CSMD2: variants seen among roughly 807,000 people sequenced by gnomAD.
CSMD2 encodes CUB and sushi domain-containing protein 2.
CSMD2 carries 130 observed loss-of-function variants against 398.5 expected under a neutral mutation model. The ratio of observed to expected loss-of-function variants is 0.33; its 90% CI spans 0.28 to 0.38. The LOEUF (loss-of-function observed/expected upper bound fraction) is 0.38, where lower values mean the gene tolerates loss of function less well. Among genes scored for constraint, CSMD2 ranks in the 10% least tolerant of loss-of-function variants. The pLI is 1.00. For synonymous variants in CSMD2, 1,828 were observed against 1,908.5 expected, an observed-to-expected ratio of 0.96 and a Z score of 1.10; for missense variants, 3,829 against 4,764.9, an observed-to-expected ratio of 0.80 and a Z score of 5.78.
In CSMD2 at chr1:33,835,688, CAAA is replaced by C. The variant is rs1553226546; in HGVS notation, c.1034-9917_1034-9915del. Among the ~76,000 whole-genome samples the C allele has an allele frequency of 4.2e-4, 4 of 9,442 alleles. No individual in the cohort carries two copies. In the African/African-American group the frequency reaches 5.4e-3, roughly 13 times the overall value. 6.2% of individuals were successfully genotyped at this position (9,442 alleles called of 152,430 possible). On this transcript the variant is annotated intron_variant, in intron 6 of 70. Coordinates refer to ENST00000373381, the MANE Select transcript of CSMD2 (RefSeq NM_001281956.2). ...TAAATTAAAACAAAACAAAACAAAA[CAAA>C]AAAAACAAACAAAAATACATTTCAA...
At chr1:33,871,336 C>T (rs1640445650) in intron 5 of CSMD2, among the ~76,000 whole-genome samples, 1 of 152,158 alleles carries the variant, frequency 6.6e-6, no homozygotes, top group Admixed American at 6.5e-5. Flanking sequence ...CAATTGAAGA[C>T]ACTGTAGAAA....
intron 5 of CSMD2, among the ~76,000 whole-genome samples, chr1:33,877,015 CAG>C (rs1437038243): frequency 6.6e-6 from 1 of 152,168 alleles, no homozygotes; most frequent in African/African-American, 2.4e-5. Flanking sequence ...GTAGTAGAGT[CAG>C]AGAAAACCCT....
chr1:33,585,754 G>C (rs941188230), intron 46 of CSMD2, among the ~76,000 whole-genome samples: 14 of 152,164 alleles, frequency 9.2e-5, no homozygotes, highest in Non-Finnish European at 1.9e-4. Flanking sequence ...AGGCTGACCT[G>C]TTTCCCCATA....
At chr1:34,092,454 C>G (rs115077656) in intron 1 of CSMD2, among the ~76,000 whole-genome samples, 1,796 of 152,244 alleles carry the variant, frequency 0.012, 31 homozygotes, top group African/African-American at 0.04. Flanking sequence ...CCAGCGTGAG[C>G]GAGGCAGAAG....
chr1:34,034,676 C>T (rs1374176547), intron 2 of CSMD2, among the ~76,000 whole-genome samples: 8 of 152,156 alleles, frequency 5.3e-5, no homozygotes, highest in African/African-American at 1.7e-4. Context: ...TTTTCTTAAA[C>T]TAGCTTGACT....
At chr1:33,737,518 A>G (rs1305421075) in intron 15 of CSMD2, among the ~76,000 whole-genome samples, 2 of 152,196 alleles carry the variant, frequency 1.3e-5, no homozygotes, top group Non-Finnish European at 2.9e-5. Context: ...CAACTCTTCA[A>G]GCGGGTTCCC....
At chr1:33,998,477 G>C (rs1482240836) in intron 3 of CSMD2, among the ~76,000 whole-genome samples, 2 of 152,196 alleles carry the variant, frequency 1.3e-5, no homozygotes, top group Non-Finnish European at 2.9e-5. Context: ...GTGGCTATAG[G>C]CCCAGAGGAC....
At chr1:34,025,262 T>TG (rs1649487950) in intron 3 of CSMD2, among the ~76,000 whole-genome samples, 2 of 139,740 alleles carry the variant, frequency 1.4e-5, no homozygotes. Context: ...CAGGGTTTTG[T>TG]CTTTTTTTTT....
rs1654044714 is a variant in CSMD2 at position 33,519,419 on chromosome 1, T to G, written c.*53+46A>C. 1 of 1,251,050 alleles carries G rather than the reference T, an allele frequency of 8.0e-7. No homozygotes were observed. The highest frequency in any genetic ancestry group is 1.5e-5 in the African/African-American group (1 of 67,458). 77.5% of individuals were successfully genotyped at this position (1,251,050 alleles called of 1,614,324 possible). ...GGAGCCCCTGGCACGCATAGGTCCC[T>G]GTCTGTGCTTGTCATGGCCTGTCTT... On this transcript the variant is annotated intron_variant, in intron 70 of 70. Coordinates refer to ENST00000373381, the MANE Select transcript of CSMD2 (RefSeq NM_001281956.2). This position sits in a 1 kb window ranked among gnomAD's most constrained non-coding sequence, Gnocchi z 5.6.
At chr1:33,865,965 A>T (rs1640002167) in intron 5 of CSMD2, among the ~76,000 whole-genome samples, 1 of 152,202 alleles carries the variant, frequency 6.6e-6, no homozygotes, top group Non-Finnish European at 1.5e-5. Context: ...TGACTTCTTG[A>T]CATCAAAAAT....
At chr1:33,671,747 C>T (rs931947960) in intron 25 of CSMD2, among the ~76,000 whole-genome samples, 1 of 152,082 alleles carries the variant, frequency 6.6e-6, no homozygotes, top group African/African-American at 2.4e-5. Flanking sequence ...AGATTTTCTA[C>T]CAGAGCCTAA....
At chr1:33,754,685 T>C (rs1648748321) in intron 13 of CSMD2, among the ~76,000 whole-genome samples, 1 of 149,358 alleles carries the variant, frequency 6.7e-6, no homozygotes, top group African/African-American at 2.6e-5. Context: ...CATTTCTCAC[T>C]GTTATGTTAA....
intron 10 of CSMD2, 81 bp downstream of exon 10, chr1:33,810,661 TG>T: frequency 7.1e-7 from 1 of 1,414,400 alleles, no homozygotes; most frequent in Non-Finnish European, 9.7e-7. Flanking sequence ...CAGTAAGTTC[TG>T]GGTTTGAAAA....
At chr1:33,589,553 A>G (rs1469706484) in intron 44 of CSMD2, among the ~76,000 whole-genome samples, 1 of 152,206 alleles carries the variant, frequency 6.6e-6, no homozygotes, top group Non-Finnish European at 1.5e-5. Context: ...GCCTATTTGC[A>G]TTTCTCTTTT....
chr1:33,906,977 A>T (rs1172467706), intron 5 of CSMD2, among the ~76,000 whole-genome samples: 1 of 152,124 alleles, frequency 6.6e-6, no homozygotes, highest in Non-Finnish European at 1.5e-5. Flanking sequence ...GAGCCCCCAG[A>T]GGAGAAAATG....
intron 5 of CSMD2, among the ~76,000 whole-genome samples, chr1:33,893,435 G>A (rs562049448): frequency 6.6e-6 from 1 of 152,208 alleles, no homozygotes; most frequent in Non-Finnish European, 1.5e-5. Flanking sequence ...ATGGGGAAGT[G>A]AAGCACAAAG....
chr1:34,047,155 C>T (rs928459745), intron 2 of CSMD2, among the ~76,000 whole-genome samples: 1 of 152,088 alleles, frequency 6.6e-6, no homozygotes, highest in Admixed American at 6.6e-5. Flanking sequence ...CTGCCACTAC[C>T]CGCTCCCACT....
intron 10 of CSMD2, among the ~76,000 whole-genome samples, chr1:33,806,479 G>C (rs895736595): frequency 6.6e-6 from 1 of 152,118 alleles, no homozygotes; most frequent in African/African-American, 2.4e-5. Context: ...AGAATTACCA[G>C]AGAGAAAATT....
At chr1:34,121,760 C>A (rs1662207979) in intron 1 of CSMD2, among the ~76,000 whole-genome samples, 1 of 152,108 alleles carries the variant, frequency 6.6e-6, no homozygotes, top group South Asian at 2.1e-4. Flanking sequence ...GGTTGAGAAC[C>A]AGCACTCCAG....
Sources: gnomAD v4.1 joint callset for allele counts (sites outside exome capture counted in the v4.1 genomes callset) on GRCh38, gnomAD v4.1.1 for gene constraint, Gnocchi (gnomAD v3.1) non-coding constraint, MANE v1.5 for transcripts, NCBI Gene and HGNC (gene_info 2026-07-23, HGNC 2026-07-21) for gene names.